Variants in DOK6 observed in about 807,000 individuals in gnomAD.
DOK6 encodes the protein downstream of tyrosine kinase 6.
In DOK6, 22 loss-of-function variants were observed where a neutral mutation model predicts 44.0. That is an observed-to-expected ratio of 0.50 (90% confidence interval 0.36 to 0.71). The LOEUF (loss-of-function observed/expected upper bound fraction) is 0.71, where lower values mean the gene tolerates loss of function less well. DOK6 is among the 30% of genes least tolerant of loss of function. The pLI is 0.00. For synonymous variants in DOK6, 166 were observed against 145.5 expected (o/e 1.14, Z -1.01); for missense variants, 340 against 416.4 (o/e 0.82, Z 1.60).
intron 3 of DOK6, among the ~76,000 whole-genome samples, chr18:69,631,971 A>G (rs192704779): frequency 6.6e-6 from 1 of 152,320 alleles, no homozygotes; most frequent in Admixed American, 6.5e-5. Flanking sequence ...GATTCATTGT[A>G]TGCCTTAAGC....
At chr18:69,483,950 T>C (rs1351782039) in intron 1 of DOK6, among the ~76,000 whole-genome samples, 1 of 152,090 alleles carries the variant, frequency 6.6e-6, no homozygotes, top group African/African-American at 2.4e-5. Context: ...TTTGAATAAC[T>C]TAAATATCTA....
At chr18:69,472,307 G>A (rs975960358) in intron 1 of DOK6, among the ~76,000 whole-genome samples, 1 of 152,190 alleles carries the variant, frequency 6.6e-6, no homozygotes, top group African/African-American at 2.4e-5. Flanking sequence ...CGCACACAAT[G>A]AGGTTCCCTT....
At chr18:69,557,697 A>T (rs1982723354) in intron 1 of DOK6, among the ~76,000 whole-genome samples, 1 of 152,144 alleles carries the variant, frequency 6.6e-6, no homozygotes. Flanking sequence ...AGCCTGTTTG[A>T]TGAAATAACT....
chr18:69,629,428 T>C (rs931968644), intron 3 of DOK6, among the ~76,000 whole-genome samples: 13 of 152,198 alleles, frequency 8.5e-5, no homozygotes, highest in African/African-American at 3.1e-4. Flanking sequence ...ACATATGGTG[T>C]CTAATTAAAA....
intron 3 of DOK6, among the ~76,000 whole-genome samples, chr18:69,649,742 G>A (rs539610686): frequency 2.0e-5 from 3 of 152,094 alleles, no homozygotes; most frequent in Non-Finnish European, 4.4e-5. Flanking sequence ...CAATAGAAAC[G>A]TTATTTTTAA....
At chr18:69,471,417 TG>T (rs889219380) in intron 1 of DOK6, among the ~76,000 whole-genome samples, 3 of 151,472 alleles carry the variant, frequency 2.0e-5, no homozygotes, top group African/African-American at 7.3e-5. Flanking sequence ...GAGGTGAATA[TG>T]GTGGGTAGAA....
intron 3 of DOK6, among the ~76,000 whole-genome samples, chr18:69,626,803 G>C (rs926374705): frequency 1.3e-5 from 2 of 152,174 alleles, no homozygotes; most frequent in Non-Finnish European, 2.9e-5. Flanking sequence ...AGGTCCTTGA[G>C]AAAGACATTC....
chr18:69,605,074 C>T (rs973215725), intron 3 of DOK6, among the ~76,000 whole-genome samples: 4 of 106,216 alleles, frequency 3.8e-5, no homozygotes, highest in African/African-American at 1.6e-4. Flanking sequence ...GGAGAGATCC[C>T]TTTGTGTGTG....
chr18:69,824,196 T>TC (rs34196735), intron 7 of DOK6, among the ~76,000 whole-genome samples: 93,912 of 116,796 alleles, frequency 0.8, 36,857 homozygotes, highest in East Asian at 0.89. Flanking sequence ...CCCTCCCCCC[T>TC]CCCCCCACCC....
Position 69,540,430 on chromosome 18 carries a change from A to T in DOK6, c.67-24057A>T, listed in dbSNP as rs924585699. 3.3e-5 allele frequency among the ~76,000 whole-genome samples: 5 copies of T among 152,208 alleles called. No homozygotes were observed. The East Asian group carries it at 7.7e-4, about 23-fold the overall frequency. Reference sequence around the variant, plus strand: ...TTCTTATTTTACCACAAGTTAAATAATGTGTCTAGTTCCCAGGGACTGATT... The same window carrying T: ...TTCTTATTTTACCACAAGTTAAATATTGTGTCTAGTTCCCAGGGACTGATT... On this transcript the variant is annotated intron_variant, in intron 1 of 7. Transcript: ENST00000382713.
intron 1 of DOK6, among the ~76,000 whole-genome samples, chr18:69,492,809 T>G: frequency 1.2e-5 from 1 of 84,886 alleles, no homozygotes; most frequent in Non-Finnish European, 3.2e-5. Context: ...CTTTACCCAG[T>G]CCACCATTGG....
intron 3 of DOK6, among the ~76,000 whole-genome samples, chr18:69,633,406 G>A (rs1984732833): frequency 6.6e-6 from 1 of 152,184 alleles, no homozygotes; most frequent in Non-Finnish European, 1.5e-5. Context: ...CTGTTAACCA[G>A]AAAGCTAAGC....
chr18:69,615,308 G>A (rs1170187524), intron 3 of DOK6, among the ~76,000 whole-genome samples: 1 of 152,192 alleles, frequency 6.6e-6, no homozygotes, highest in Non-Finnish European at 1.5e-5. Context: ...AGTGATGTCA[G>A]TCCAGCACTT....
intron 3 of DOK6, 36 bp downstream of exon 3, chr18:69,599,534 T>C (rs373183640): frequency 1.1e-4 from 179 of 1,561,424 alleles, no homozygotes; most frequent in Admixed American, 2.4e-4. Context: ...CTTGAGGAAA[T>C]TGAGCTGCTT....
intron 5 of DOK6, among the ~76,000 whole-genome samples, chr18:69,733,100 G>A (rs1271421750): frequency 6.6e-6 from 1 of 152,018 alleles, no homozygotes; most frequent in Non-Finnish European, 1.5e-5. Flanking sequence ...AGGCTGAGGT[G>A]GGCAGATTAC....
chr18:69,526,159 C>T (rs1460264425), intron 1 of DOK6, among the ~76,000 whole-genome samples: 7 of 151,926 alleles, frequency 4.6e-5, no homozygotes, highest in Admixed American at 1.3e-4. Context: ...GAATTGTGCA[C>T]CCATCACTAC....
At chr18:69,570,689 T>G (rs1260896142) in intron 2 of DOK6, among the ~76,000 whole-genome samples, 1 of 151,976 alleles carries the variant, frequency 6.6e-6, no homozygotes, top group African/African-American at 2.4e-5. Context: ...AAAAAAGACA[T>G]GACATACTGG....
In DOK6 at chr18:69,411,042, G is replaced by C. The variant is rs187687419; in HGVS notation, c.66+9732G>C. ...GAGATAGGGCATAGATGGATAGATG[G>C]GGGGAGAGAAAATCGAAGCAATATA... On this transcript the variant is annotated intron_variant, in intron 1 of 7. Coordinates refer to ENST00000382713, the MANE Select transcript of DOK6 (RefSeq NM_152721.6). Among the ~76,000 whole-genome samples, 1,351 of 152,160 alleles carry C rather than the reference G, an allele frequency of 8.9e-3. 10 individuals are homozygous for C. Among genetic ancestry groups the C allele is most frequent in the South Asian group, 0.037 (178 of 4,826 alleles).
chr18:69,664,013 C>A (rs1985594901), intron 3 of DOK6, among the ~76,000 whole-genome samples: 1 of 152,048 alleles, frequency 6.6e-6, no homozygotes, highest in Admixed American at 6.6e-5. Flanking sequence ...GGTGACTAGG[C>A]AACAAATACA....
Sources: allele counts gnomAD v4.1 joint callset (sites outside exome capture counted in the v4.1 genomes callset), GRCh38; gene constraint gnomAD v4.1.1; transcripts MANE v1.5; gene names NCBI Gene and HGNC (gene_info 2026-07-23, HGNC 2026-07-21).